The following STK24 variants were observed in gnomAD, a reference collection of about 807,000 sequenced individuals.
STK24 encodes serine/threonine kinase 24.
In STK24, 21 loss-of-function variants were observed where a neutral mutation model predicts 55.6. The observed-to-expected ratio is 0.38, with a 90% CI of 0.27 to 0.54. STK24 has a LOEUF of 0.54. Ranked by LOEUF, STK24 falls within the 20% of genes least tolerant of loss-of-function variation. The probability of loss-of-function intolerance (pLI) is 0.79; values close to 1 mark genes in which losing one functional copy is unlikely to be tolerated. For missense variants in STK24, 383 were observed against 538.4 expected (o/e 0.71, Z 2.86); for synonymous variants, 200 against 215.2 (o/e 0.93, Z 0.62).
At chr13:98,560,840 C>T (rs1566405697) in intron 1 of STK24, among the ~76,000 whole-genome samples, 1 of 151,534 alleles carries the variant, frequency 6.6e-6, no homozygotes, top group Admixed American at 6.6e-5. Context: ...GAGATCACGC[C>T]ACTGCACTCC....
chr13:98,535,914 CCTGT>C (rs1174934471), intron 1 of STK24, among the ~76,000 whole-genome samples: 2 of 152,190 alleles, frequency 1.3e-5, no homozygotes, highest in African/African-American at 4.8e-5. Flanking sequence ...AACTCACCTT[CCTGT>C]ATTTTACAAG....
intron 1 of STK24, among the ~76,000 whole-genome samples, chr13:98,576,404 C>T (rs1296744537): frequency 1.3e-5 from 2 of 152,038 alleles, no homozygotes; most frequent in Admixed American, 6.5e-5. Context: ...GGCATCACTC[C>T]ACCTCACTTC....
intron 3 of STK24, among the ~76,000 whole-genome samples, chr13:98,478,277 C>T (rs772762564): frequency 3.3e-5 from 5 of 152,214 alleles, no homozygotes; most frequent in Non-Finnish European, 5.9e-5. Flanking sequence ...TCCCCCTCCC[C>T]GAGCCTGTCC....
At chr13:98,516,281 C>T (rs759871031) in intron 2 of STK24, among the ~76,000 whole-genome samples, 12 of 152,230 alleles carry the variant, frequency 7.9e-5, no homozygotes, top group Non-Finnish European at 1.2e-4. Flanking sequence ...TCCACAATGG[C>T]CACGTTCTTC....
chr13:98,524,355 G>T (rs1896358249), intron 1 of STK24, among the ~76,000 whole-genome samples: 1 of 152,116 alleles, frequency 6.6e-6, no homozygotes, highest in African/African-American at 2.4e-5. Context: ...ACCCCGCAGT[G>T]TTCGCTCTGC....
chr13:98,475,381 A>G (rs757210993), intron 3 of STK24, 23 bp from the exon 4 acceptor site: 38 of 1,501,444 alleles, frequency 2.5e-5, no homozygotes, highest in Non-Finnish European at 3.5e-5. Flanking sequence ...AAAAATTCTT[A>G]AAGTTACTTA....
At chr13:98,566,997 C>A (rs1897594789) in intron 1 of STK24, among the ~76,000 whole-genome samples, 1 of 152,204 alleles carries the variant, frequency 6.6e-6, no homozygotes, top group African/African-American at 2.4e-5. Flanking sequence ...CGGGCTAAGG[C>A]TCAGTCCCAA....
At chr13:98,531,026 C>A (rs1896567037) in intron 1 of STK24, among the ~76,000 whole-genome samples, 1 of 152,154 alleles carries the variant, frequency 6.6e-6, no homozygotes, top group South Asian at 2.1e-4. Flanking sequence ...ACAGATTATT[C>A]TTCCCCTAAG....
Position 98,456,838 on chromosome 13 carries a change from C to G in STK24, c.1259+330G>C, listed in dbSNP as rs77810483. 1,890 of 433,180 alleles carry G rather than the reference C, an allele frequency of 4.4e-3. 25 individuals carry two copies. The highest frequency in any genetic ancestry group is 0.033 in the African/African-American group (1,651 of 50,150). 26.8% of individuals were successfully genotyped at this position (433,180 alleles called of 1,614,324 possible). ...AAACCAGATAGATAGTTACACACAT[C>G]TGGCTAAGAACGATCATTCTCTGGC... On this transcript the variant is annotated intron_variant, in intron 10 of 10. Transcript: ENST00000539966.
chr13:98,562,423 G>T (rs1432146317), intron 1 of STK24, among the ~76,000 whole-genome samples: 1 of 152,150 alleles, frequency 6.6e-6, no homozygotes, highest in South Asian at 2.1e-4. Flanking sequence ...CTGTTCTGCT[G>T]GTTTCCAAAG....
rs34537903 is a variant in STK24, at chr13:98,535,361, CAA to C, written c.43-15890_43-15889del. 7.4e-3 allele frequency among the ~76,000 whole-genome samples: 476 copies of C among 64,116 alleles called. 4 individuals carry two copies. Among genetic ancestry groups the C allele is most frequent in the Middle Eastern group, 0.023 (3 of 130 alleles). The allele number at this position is 64,116 out of a possible 152,430, so 42.1% of individuals were successfully genotyped here. On this transcript the variant is annotated intron_variant, in intron 1 of 10. Coordinates refer to ENST00000539966, the MANE Select transcript of STK24 (RefSeq NM_001032296.4). ...TCAAACAAACAAACAAACAAACAAA[CAA>C]AAAAAAAATATATATATATATATAT...
chr13:98,569,379 T>A (rs1420795051), intron 1 of STK24, among the ~76,000 whole-genome samples: 1 of 140,330 alleles, frequency 7.1e-6, no homozygotes, highest in South Asian at 2.2e-4. Flanking sequence ...ACCAACATCA[T>A]GGCATAAACC....
chr13:98,560,258 C>G (rs1007807777), intron 1 of STK24, among the ~76,000 whole-genome samples: 1 of 152,216 alleles, frequency 6.6e-6, no homozygotes, highest in African/African-American at 2.4e-5. Flanking sequence ...AACGCTATGG[C>G]TCAATATTGC....
intron 2 of STK24, among the ~76,000 whole-genome samples, chr13:98,506,760 C>T (rs1047792283): frequency 1.3e-4 from 20 of 152,330 alleles, no homozygotes; most frequent in African/African-American, 4.6e-4. Context: ...ACTAAAACCA[C>T]GGACACGTGT....
At chr13:98,522,220 T>TGGAACTAGAGGGACTGG in intron 1 of STK24, 1 of 448,000 alleles carries the variant, frequency 2.2e-6, no homozygotes, top group Non-Finnish European at 3.0e-6. Flanking sequence ...CCAGTCCCTC[T>TGGAACTAGAGGGACTGG]AGTTCCAGAA....
chr13:98,478,559 C>A (rs1420272310), intron 3 of STK24, among the ~76,000 whole-genome samples: 50 of 152,244 alleles, frequency 3.3e-4, no homozygotes, highest in Non-Finnish European at 1.5e-5. Flanking sequence ...CGGTATGGAC[C>A]AGAGCCACTG....
chr13:98,572,440 C>T (rs542374898), intron 1 of STK24, among the ~76,000 whole-genome samples: 2 of 152,204 alleles, frequency 1.3e-5, no homozygotes, highest in African/African-American at 4.8e-5. Context: ...GAAAAGAACC[C>T]GTGGAAATGT....
In STK24 at chr13:98,453,057, G is replaced by A. The variant is rs769847398; in HGVS notation, c.*116C>T. The A allele has an allele frequency of 8.2e-5, 98 of 1,197,262 alleles. 1 individual carries two copies. Among genetic ancestry groups the A allele is most frequent in the Non-Finnish European group, 1.0e-4 (87 of 833,942 alleles). The allele number at this position is 1,197,262 out of a possible 1,614,324, so 74.2% of individuals were successfully genotyped here. A position where few individuals can be genotyped will look rare whatever the true frequency, so the allele number is the denominator to read the frequency against. The stretch of plus-strand genomic sequence containing the variant: ...TGGACGGGCGCCTGGCGCTGGGGTG[G>A]CTCCCAGTGGCGCACCTCTTCGGTG... On this transcript the variant is annotated 3_prime_UTR_variant, in exon 11 of 11. Transcript: ENST00000539966.
chr13:98,573,219 C>T (rs1439007838), intron 1 of STK24, among the ~76,000 whole-genome samples: 2 of 152,164 alleles, frequency 1.3e-5, no homozygotes, highest in African/African-American at 2.4e-5. Flanking sequence ...ACATGGGTCA[C>T]GGTTCAGAAA....
Sources: allele counts gnomAD v4.1 joint callset (sites outside exome capture counted in the v4.1 genomes callset), GRCh38; gene constraint gnomAD v4.1.1; transcripts MANE v1.5; gene names NCBI Gene and HGNC (gene_info 2026-07-23, HGNC 2026-07-21).